Variants in SLC24A2 observed in about 807,000 individuals in gnomAD.
SLC24A2 encodes the protein sodium/potassium/calcium exchanger 2.
In SLC24A2, 36 loss-of-function variants were observed where a neutral mutation model predicts 62.0. The observed-to-expected ratio is 0.58, with a 90% confidence interval of 0.44 to 0.77. The LOEUF is 0.77. Among genes scored for constraint, SLC24A2 ranks in the 30% least tolerant of loss-of-function variants. The pLI is 0.00. For synonymous variants in SLC24A2, 358 were observed against 294.0 expected (o/e 1.22, Z -2.23); for missense variants, 846 against 817.9 (o/e 1.03, Z -0.42).
chr9:20,283,221 C>A, the SLC24A2 span, among the ~76,000 whole-genome samples: 1 of 152,182 alleles, frequency 6.6e-6, no homozygotes, highest in Admixed American at 6.5e-5. Context: ...AGTTATTGGC[C>A]ATGTGTATTT....
chr9:19,911,932 T>C, the SLC24A2 span, among the ~76,000 whole-genome samples: 6 of 152,154 alleles, frequency 3.9e-5, no homozygotes, highest in South Asian at 1.0e-3. Flanking sequence ...AAACAGACCA[T>C]CAGCATTACA....
the SLC24A2 span, among the ~76,000 whole-genome samples, chr9:20,217,190 T>C: frequency 6.6e-6 from 1 of 152,144 alleles, no homozygotes; most frequent in Non-Finnish European, 1.5e-5. Context: ...ATAAATATAA[T>C]GTGGGGTAAA....
the SLC24A2 span, among the ~76,000 whole-genome samples, chr9:19,942,162 G>A: frequency 8.8e-4 from 134 of 152,274 alleles, 2 homozygotes; most frequent in South Asian, 8.3e-3. Context: ...AACTCAGTAA[G>A]AGTAAATATC....
At chr9:20,024,629 C>G in the SLC24A2 span, among the ~76,000 whole-genome samples, 2 of 152,154 alleles carry the variant, frequency 1.3e-5, no homozygotes, top group African/African-American at 4.8e-5. Context: ...ATAAGAAAGA[C>G]TTAAAGTTTA....
At chr9:19,686,262 T>A (rs141172014) in intron 2 of SLC24A2, among the ~76,000 whole-genome samples, 1 of 152,006 alleles carries the variant, frequency 6.6e-6, no homozygotes, top group Non-Finnish European at 1.5e-5. Flanking sequence ...AAAAATAACA[T>A]GCTGGTGAGG....
chr9:19,862,956 C>T, the SLC24A2 span, among the ~76,000 whole-genome samples: 1 of 151,752 alleles, frequency 6.6e-6, no homozygotes, highest in Admixed American at 6.6e-5. Flanking sequence ...CACAAATCAA[C>T]CAGAAAATAA....
chr9:19,718,284 C>CTT (rs71335446), intron 2 of SLC24A2, among the ~76,000 whole-genome samples: 6,849 of 55,700 alleles, frequency 0.12, 2,400 homozygotes, highest in African/African-American at 0.25. Flanking sequence ...TGATTTAACA[C>CTT]TTTTTTTTTT....
the SLC24A2 span, among the ~76,000 whole-genome samples, chr9:20,195,108 T>C: frequency 1.3e-5 from 2 of 152,340 alleles, no homozygotes; most frequent in African/African-American, 4.8e-5. Flanking sequence ...TGCTGGAACA[T>C]GTAATTTTAA....
At chr9:19,969,382 C>T in the SLC24A2 span, among the ~76,000 whole-genome samples, 1 of 152,090 alleles carries the variant, frequency 6.6e-6, no homozygotes, top group Non-Finnish European at 1.5e-5. Context: ...CCATAAAAAC[C>T]AAAGTCATTT....
At chr9:20,001,372 C>A in the SLC24A2 span, among the ~76,000 whole-genome samples, 9 of 152,124 alleles carry the variant, frequency 5.9e-5, no homozygotes, top group Non-Finnish European at 1.0e-4. Flanking sequence ...AACTGTCCTG[C>A]GGAAGAAATC....
chr9:19,907,735 T>A, the SLC24A2 span, among the ~76,000 whole-genome samples: 2 of 152,188 alleles, frequency 1.3e-5, no homozygotes, highest in Non-Finnish European at 2.9e-5. Flanking sequence ...TCATTCACAA[T>A]TGCTTCAAAG....
At chr9:19,921,711 T>C in the SLC24A2 span, among the ~76,000 whole-genome samples, 6 of 152,078 alleles carry the variant, frequency 3.9e-5, no homozygotes, top group African/African-American at 1.4e-4. Flanking sequence ...TGAGGGGGTC[T>C]TATATTTGCC....
At chr9:19,742,007 G>A (rs186354584) in intron 2 of SLC24A2, among the ~76,000 whole-genome samples, 1 of 152,296 alleles carries the variant, frequency 6.6e-6, no homozygotes, top group East Asian at 1.9e-4. Flanking sequence ...AAGTATATCT[G>A]AGCATAAGCC....
chr9:19,507,457 CTTT>C lies in SLC24A2; in HGVS notation c.*8693_*8695del, dbSNP rs994238690. The C allele has an allele frequency of 1.3e-5, 2 of 152,282 alleles. No homozygotes were observed. The highest frequency in any genetic ancestry group is 2.1e-4 in the South Asian group (1 of 4,824). The allele number at this position is 152,282 out of a possible 1,614,324, so 9.4% of individuals were successfully genotyped here. On this transcript the variant is annotated 3_prime_UTR_variant, in exon 11 of 11. Transcript: ENST00000341998. ...AATTACTCCAAACAAAACAATACTTCTTTGAGTCAATAATTTTATTACTATTAT... is the reference window on the plus strand; with the variant it reads ...AATTACTCCAAACAAAACAATACTTCGAGTCAATAATTTTATTACTATTAT...
chr9:19,693,826 T>A (rs1820110382), intron 2 of SLC24A2, among the ~76,000 whole-genome samples: 1 of 152,094 alleles, frequency 6.6e-6, no homozygotes, highest in African/African-American at 2.4e-5. Flanking sequence ...TTCCCTTTCT[T>A]CTTTCCTTTC....
At chr9:20,154,959 C>T in the SLC24A2 span, among the ~76,000 whole-genome samples, 31 of 151,636 alleles carry the variant, frequency 2.0e-4, no homozygotes, top group East Asian at 2.4e-3. Context: ...TCAAGCATCT[C>T]GCTATCAGGG....
chr9:19,984,544 A>G, the SLC24A2 span, among the ~76,000 whole-genome samples: 1 of 152,152 alleles, frequency 6.6e-6, no homozygotes, highest in African/African-American at 2.4e-5. Context: ...CAGCTCTACT[A>G]AAAATATAAA....
At chr9:19,834,153 C>T in the SLC24A2 span, among the ~76,000 whole-genome samples, 3 of 152,120 alleles carry the variant, frequency 2.0e-5, no homozygotes, top group Non-Finnish European at 4.4e-5. Flanking sequence ...ACTGGAAACT[C>T]TAAAAATCAG....
chr9:20,043,615 A>G, the SLC24A2 span, among the ~76,000 whole-genome samples: 2 of 152,238 alleles, frequency 1.3e-5, no homozygotes, highest in African/African-American at 4.8e-5. Flanking sequence ...GACTTCAGTG[A>G]GAAAGTCACT....
Sources: gnomAD v4.1 joint callset for allele counts (sites outside exome capture counted in the v4.1 genomes callset) on GRCh38, gnomAD v4.1.1 for gene constraint, MANE v1.5 for transcripts, NCBI Gene and HGNC (gene_info 2026-07-23, HGNC 2026-07-21) for gene names.